The following PCLO variants were observed in gnomAD, a reference collection of about 807,000 sequenced individuals.
PCLO encodes the protein protein piccolo.
PCLO carries 82 observed loss-of-function variants against 427.5 expected under a neutral mutation model. The ratio of observed to expected loss-of-function variants is 0.19; its 90% CI spans 0.16 to 0.23. The LOEUF is 0.23. Ranked by LOEUF, PCLO falls within the 10% of genes least tolerant of loss-of-function variation. The probability of loss-of-function intolerance (pLI) is 1.00; values close to 1 mark genes in which losing one functional copy is unlikely to be tolerated. For synonymous variants in PCLO, 2,357 were observed against 2,155.4 expected (o/e 1.09, Z -2.59); for missense variants, 6,239 against 6,115.9 (o/e 1.02, Z -0.67).
At chr7:83,121,446 G>C (rs1208969938) in intron 3 of PCLO, among the ~76,000 whole-genome samples, 1 of 151,926 alleles carries the variant, frequency 6.6e-6, no homozygotes, top group African/African-American at 2.4e-5. Context: ...TTACACCTAA[G>C]AAGACAGAAA....
chr7:82,980,936 C>T (rs1796134220), intron 3 of PCLO, among the ~76,000 whole-genome samples: 1 of 152,012 alleles, frequency 6.6e-6, no homozygotes, highest in South Asian at 2.1e-4. Flanking sequence ...ATGTTCAATA[C>T]ACAGATGAAA....
At chr7:83,133,874 G>A (rs1382721684) in intron 3 of PCLO, among the ~76,000 whole-genome samples, 7 of 151,730 alleles carry the variant, frequency 4.6e-5, no homozygotes, top group Non-Finnish European at 1.0e-4. Flanking sequence ...CCTTTTATCT[G>A]GAGTTTACAT....
chr7:83,089,482 A>C (rs541571132), intron 3 of PCLO, among the ~76,000 whole-genome samples: 1 of 152,196 alleles, frequency 6.6e-6, no homozygotes, highest in African/African-American at 2.4e-5. Flanking sequence ...GAATTCAATA[A>C]ATTTGGTGCA....
chr7:83,079,647 A>T (rs1320383176), intron 3 of PCLO, among the ~76,000 whole-genome samples: 2 of 152,120 alleles, frequency 1.3e-5, no homozygotes, highest in African/African-American at 4.8e-5. Context: ...TCTCAGCAGG[A>T]ATATAATATC....
intron 3 of PCLO, among the ~76,000 whole-genome samples, chr7:82,995,571 G>C (rs144558434): frequency 3.9e-5 from 6 of 152,024 alleles, no homozygotes; most frequent in Non-Finnish European, 8.8e-5. Flanking sequence ...TGGAAATATT[G>C]CAACTACTTG....
chr7:83,038,044 T>TATATA (rs1788861347), intron 3 of PCLO, among the ~76,000 whole-genome samples: 1 of 46,904 alleles, frequency 2.1e-5, no homozygotes, highest in African/African-American at 1.8e-4. Flanking sequence ...TATATTTATA[T>TATATA]ATATATCTTT....
At chr7:82,985,294 T>C (rs558364630) in intron 3 of PCLO, among the ~76,000 whole-genome samples, 84 of 151,992 alleles carry the variant, frequency 5.5e-4, no homozygotes, top group Non-Finnish European at 9.9e-4. Context: ...TTTAAGAGGA[T>C]CAAAAGAATG....
At chr7:82,824,544 T>C (rs1456642826) in intron 18 of PCLO, 128 bp from the exon 19 acceptor site, 3 of 505,964 alleles carry the variant, frequency 5.9e-6, no homozygotes, top group Non-Finnish European at 1.0e-5. Flanking sequence ...TTGAGGATGA[T>C]GATTCTTTCT....
intron 22 of PCLO, among the ~76,000 whole-genome samples, chr7:82,793,953 A>G (rs1791161034): frequency 6.6e-6 from 1 of 152,186 alleles, no homozygotes; most frequent in Non-Finnish European, 1.5e-5. Context: ...CTTCTCAAAA[A>G]TCATTTCCTT....
chr7:82,858,335 T>C (rs1792859915), intron 10 of PCLO, among the ~76,000 whole-genome samples: 1 of 152,182 alleles, frequency 6.6e-6, no homozygotes, highest in Non-Finnish European at 1.5e-5. Flanking sequence ...TTAAAGTCCA[T>C]GTATGACAAA....
In PCLO at chr7:82,966,614, G is replaced by A. The variant is rs867372213; in HGVS notation, c.3301-127C>T. The A allele has an allele frequency of 4.7e-5, 23 of 488,958 alleles. No individual in the cohort carries two copies. In the Middle Eastern group the frequency reaches 9.8e-4, roughly 21 times the overall value. The allele number at this position is 488,958 out of a possible 1,614,324, so 30.3% of individuals were successfully genotyped here. ...TTGTACATGGAGAAGGTGGGTCACTGTTTTCCAAATCCAATGACGCAGTAA... is the reference window on the plus strand; with the variant it reads ...TTGTACATGGAGAAGGTGGGTCACTATTTTCCAAATCCAATGACGCAGTAA... On this transcript the variant is annotated intron_variant, in intron 3 of 24. Transcript: ENST00000333891.
At chr7:82,817,858 A>G (rs1427332986) in intron 20 of PCLO, among the ~76,000 whole-genome samples, 1 of 152,126 alleles carries the variant, frequency 6.6e-6, no homozygotes, top group African/African-American at 2.4e-5. Flanking sequence ...CTCATCCTGT[A>G]TTGCCTATTT....
intron 3 of PCLO, among the ~76,000 whole-genome samples, chr7:83,103,864 T>A (rs1173118172): frequency 6.6e-6 from 1 of 151,906 alleles, no homozygotes; most frequent in African/African-American, 2.4e-5. Flanking sequence ...CAAAAATAAA[T>A]CTCATTTACC....
chr7:83,038,467 T>C (rs930760344), intron 3 of PCLO, among the ~76,000 whole-genome samples: 1 of 151,930 alleles, frequency 6.6e-6, no homozygotes, highest in Non-Finnish European at 1.5e-5. Flanking sequence ...TTTATATGAA[T>C]TGAATTATAA....
At chr7:83,044,498 A>G (rs549203424) in intron 3 of PCLO, among the ~76,000 whole-genome samples, 1 of 152,202 alleles carries the variant, frequency 6.6e-6, no homozygotes, top group Non-Finnish European at 1.5e-5. Flanking sequence ...AAGAATTATT[A>G]AGTAAAATTA....
intron 3 of PCLO, among the ~76,000 whole-genome samples, chr7:83,015,375 A>C (rs527267448): frequency 6.6e-6 from 1 of 151,448 alleles, no homozygotes; most frequent in Admixed American, 6.6e-5. Flanking sequence ...AGCCTCCTAG[A>C]GTGGGAGGGA....
At chr7:82,759,756 C>G (rs1444852809) in intron 24 of PCLO, among the ~76,000 whole-genome samples, 1 of 151,826 alleles carries the variant, frequency 6.6e-6, no homozygotes, top group African/African-American at 2.4e-5. Flanking sequence ...TCTCATTCCC[C>G]CATTTCTACT....
At chr7:82,893,294 A>G (rs1035757225) in intron 9 of PCLO, among the ~76,000 whole-genome samples, 8 of 152,116 alleles carry the variant, frequency 5.3e-5, no homozygotes, top group African/African-American at 1.9e-4. Flanking sequence ...GAAGCTAGAA[A>G]CCATCATTCT....
intron 6 of PCLO, among the ~76,000 whole-genome samples, chr7:82,943,580 T>C (rs373237584): frequency 6.6e-6 from 1 of 152,192 alleles, no homozygotes; most frequent in African/African-American, 2.4e-5. Context: ...ATGCAATAGA[T>C]AATGTCACTT....
Sources: allele counts gnomAD v4.1 joint callset (sites outside exome capture counted in the v4.1 genomes callset), GRCh38; gene constraint gnomAD v4.1.1; transcripts MANE v1.5; gene names NCBI Gene and HGNC (gene_info 2026-07-23, HGNC 2026-07-21).